The following TMEM181 variants were observed in gnomAD, a reference collection of about 807,000 sequenced individuals.
TMEM181 encodes the protein G protein-coupled receptor 178.
TMEM181 carries 39 observed loss-of-function variants against 71.9 expected under a neutral mutation model. That is an observed-to-expected ratio of 0.54 (90% CI 0.42 to 0.71). The LOEUF (loss-of-function observed/expected upper bound fraction) is 0.71, where lower values mean the gene tolerates loss of function less well. Among genes scored for constraint, TMEM181 ranks in the 30% least tolerant of loss-of-function variants. The pLI is 0.00. For synonymous variants in TMEM181, 245 were observed against 228.8 expected, an observed-to-expected ratio of 1.07 and a Z score of -0.64; for missense variants, 595 against 583.0, an observed-to-expected ratio of 1.02 and a Z score of -0.21.
At chr6:158,607,400 C>T (rs1402343179) in intron 8 of TMEM181, 57 bp downstream of exon 8, 1 of 1,518,158 alleles carries the variant, frequency 6.6e-7, no homozygotes, top group African/African-American at 1.4e-5. Context: ...AAGCTGGAGG[C>T]CAGGTGCAGG....
intron 5 of TMEM181, among the ~76,000 whole-genome samples, chr6:158,588,285 G>T (rs772573927): frequency 1.3e-5 from 2 of 152,234 alleles, no homozygotes; most frequent in Non-Finnish European, 2.9e-5. Flanking sequence ...CTAGTGGGCT[G>T]AAGTGTTTGG....
At chr6:158,599,188 G>A (rs1439562813) in intron 6 of TMEM181, among the ~76,000 whole-genome samples, 2 of 152,230 alleles carry the variant, frequency 1.3e-5, no homozygotes, top group African/African-American at 4.8e-5. Flanking sequence ...TTTTGTTAAA[G>A]TCACTTATTT....
At chr6:158,597,355 G>A (rs988845814) in intron 6 of TMEM181, among the ~76,000 whole-genome samples, 1 of 152,164 alleles carries the variant, frequency 6.6e-6, no homozygotes, top group Non-Finnish European at 1.5e-5. Flanking sequence ...GGAGGGCAGG[G>A]AAGTCCAGGA....
At chr6:158,589,579 C>A in intron 5 of TMEM181, 93 bp from the exon 6 acceptor site, 1 of 896,236 alleles carries the variant, frequency 1.1e-6, no homozygotes, top group Non-Finnish European at 1.8e-6. Flanking sequence ...TGAGTTCTGC[C>A]CATCTGCTGT....
rs1785012908 is a variant in TMEM181 at position 158,607,409 on chromosome 6, G to T, written c.673+66G>T. The T allele has an allele frequency of 2.1e-6, 3 of 1,463,406 alleles. No individual in the cohort carries two copies. The Admixed American group carries it at 5.2e-5, about 25-fold the overall frequency. The allele number at this position is 1,463,406 out of a possible 1,614,324, so 90.7% of individuals were successfully genotyped here. ...AATGTAAAGCTGGAGGCCAGGTGCA[G>T]GGTTGTGCCTGTCATCCCAGCACTT... On this transcript the variant is annotated intron_variant, in intron 8 of 16. Transcript: ENST00000684151.
At chr6:158,605,046 G>A (rs1169273172) in intron 6 of TMEM181, among the ~76,000 whole-genome samples, 1 of 151,432 alleles carries the variant, frequency 6.6e-6, no homozygotes, top group South Asian at 2.1e-4. Context: ...CCTGGGAGGC[G>A]GAGGTTGCAG....
chr6:158,608,576 C>T, intron 9 of TMEM181, 83 bp from the exon 10 acceptor site: 2 of 1,596,652 alleles, frequency 1.3e-6, no homozygotes, highest in Non-Finnish European at 8.5e-7. Flanking sequence ...GTCTGCAGGC[C>T]CATACTCAAT....
chr6:158,628,528 C>A, intron 14 of TMEM181, 38 bp downstream of exon 14: 1 of 1,586,220 alleles, frequency 6.3e-7, no homozygotes, highest in Non-Finnish European at 8.6e-7. Context: ...TGCAGGACGC[C>A]TGCTTAGCAT....
chr6:158,581,035 A>C (rs1464956514), intron 3 of TMEM181, 40 bp downstream of exon 3: 1 of 1,570,638 alleles, frequency 6.4e-7, no homozygotes, highest in Admixed American at 1.7e-5. Context: ...GGTGGGGTGC[A>C]TTATAAACCT....
chr6:158,568,306 G>GT (rs1782626727), intron 1 of TMEM181, among the ~76,000 whole-genome samples: 1 of 151,690 alleles, frequency 6.6e-6, no homozygotes, highest in South Asian at 2.1e-4. Flanking sequence ...GGGCTTCTAG[G>GT]TGAAAACGTG....
chr6:158,612,489 T>C (rs1201324442), intron 10 of TMEM181, among the ~76,000 whole-genome samples: 1 of 152,112 alleles, frequency 6.6e-6, no homozygotes, highest in African/African-American at 2.4e-5. Flanking sequence ...TTGAAAAAGG[T>C]TAATTAGGCA....
At chr6:158,631,746 T>G in intron 16 of TMEM181, 64 bp from the exon 17 acceptor site, 1 of 1,487,956 alleles carries the variant, frequency 6.7e-7, no homozygotes, top group South Asian at 1.2e-5. Flanking sequence ...GGTGTGTCAG[T>G]GTGGAAGAGG....
intron 1 of TMEM181, among the ~76,000 whole-genome samples, chr6:158,562,480 C>T (rs1782245843): frequency 8.3e-6 from 1 of 120,428 alleles, no homozygotes; most frequent in Admixed American, 8.1e-5. Flanking sequence ...GTGTGTCTTG[C>T]TTGGCACGTG....
At chr6:158,558,707 T>G (rs536250535), upstream of TMEM181, among the ~76,000 whole-genome samples, 2 of 152,316 alleles carry the variant, frequency 1.3e-5, no homozygotes, top group Non-Finnish European at 2.9e-5. Context: ...CAGCTCCTTA[T>G]GTAAGGACTC....
intron 1 of TMEM181, among the ~76,000 whole-genome samples, chr6:158,542,213 T>C (rs546176188): frequency 1.5e-3 from 228 of 152,250 alleles, no homozygotes; most frequent in African/African-American, 5.2e-3. Context: ...GGCCTAGATA[T>C]TCTTTTAATC....
chr6:158,605,131 A>AGAGTGTGTGTGTGTGTGTGT (rs1784876994), intron 6 of TMEM181, 136 bp from the exon 7 acceptor site: 1 of 141,110 alleles, frequency 7.1e-6, no homozygotes. Flanking sequence ...AAAAAAAAAA[A>AGAGTGTGTGTGTGTGTGTGT]GTGTGTGTGT....
At chr6:158,558,005 A>G (rs977323848), upstream of TMEM181, among the ~76,000 whole-genome samples, 4 of 152,224 alleles carry the variant, frequency 2.6e-5, no homozygotes, top group African/African-American at 7.2e-5. Context: ...GCTGAGGGCC[A>G]TGTGGTTGTT....
chr6:158,606,775 C>T (rs1417913052), intron 7 of TMEM181, among the ~76,000 whole-genome samples: 4 of 152,224 alleles, frequency 2.6e-5, no homozygotes, highest in Non-Finnish European at 5.9e-5. Context: ...AGCCCTGGCA[C>T]CATCTTGGAA....
intron 2 of TMEM181, among the ~76,000 whole-genome samples, chr6:158,576,738 TA>T (rs775738371): frequency 3.9e-5 from 6 of 151,992 alleles, no homozygotes; most frequent in Non-Finnish European, 7.4e-5. Context: ...AGAGGTACAT[TA>T]TTAGATTTAA....
Sources: allele counts gnomAD v4.1 joint callset (sites outside exome capture counted in the v4.1 genomes callset), GRCh38; gene constraint gnomAD v4.1.1; transcripts MANE v1.5; gene names NCBI Gene and HGNC (gene_info 2026-07-23, HGNC 2026-07-21).